MTMR9: variants seen among roughly 807,000 people sequenced by gnomAD.
MTMR9 encodes the protein myotubularin related protein 9, also known as myotubularin-related protein 9.
A neutral mutation model predicts 69.5 loss-of-function variants in MTMR9; 39 were observed. The ratio of observed to expected loss-of-function variants is 0.56; its 90% CI spans 0.43 to 0.73. MTMR9 has a LOEUF of 0.73. Among genes scored for constraint, MTMR9 ranks in the 30% least tolerant of loss-of-function variants. The pLI, the probability that MTMR9 is intolerant of heterozygous loss-of-function variation, is 0.00. For synonymous variants in MTMR9, 354 were observed against 240.8 expected (o/e 1.47, Z -4.35); for missense variants, 900 against 671.2 (o/e 1.34, Z -3.77).
At chr8:11,297,215 T>C (rs1158715344) in intron 2 of MTMR9, among the ~76,000 whole-genome samples, 2 of 152,202 alleles carry the variant, frequency 1.3e-5, no homozygotes, top group African/African-American at 4.8e-5. Flanking sequence ...AAGTAGGATT[T>C]TAGTGATTTT....
the MTMR9 span, among the ~76,000 whole-genome samples, chr8:11,337,216 A>G: frequency 6.6e-6 from 1 of 152,188 alleles, no homozygotes; most frequent in Non-Finnish European, 1.5e-5. Context: ...AGCCACTCAG[A>G]ACCAGCAGAC....
At chr8:11,287,912 A>G (rs1369177377) in intron 1 of MTMR9, among the ~76,000 whole-genome samples, 2 of 128,596 alleles carry the variant, frequency 1.6e-5, no homozygotes, top group East Asian at 4.2e-4. Flanking sequence ...ATAACATAAT[A>G]TGTATTATAT....
intron 5 of MTMR9, among the ~76,000 whole-genome samples, chr8:11,309,215 G>A (rs559646721): frequency 6.6e-6 from 1 of 152,250 alleles, no homozygotes; most frequent in Non-Finnish European, 1.5e-5. Context: ...TGTAAGTGGT[G>A]CTGTGTCTCC....
At chr8:11,287,749 T>A (rs1373039663) in intron 1 of MTMR9, among the ~76,000 whole-genome samples, 2 of 132,388 alleles carry the variant, frequency 1.5e-5, no homozygotes, top group Non-Finnish European at 3.1e-5. Flanking sequence ...TATTTTCTTA[T>A]ATATTTATTA....
At chr8:11,293,169 G>C (rs888943065) in intron 1 of MTMR9, among the ~76,000 whole-genome samples, 1 of 152,184 alleles carries the variant, frequency 6.6e-6, no homozygotes, top group African/African-American at 2.4e-5. Context: ...TGACATTGAT[G>C]ATCCCAACCC....
At chr8:11,321,400 C>T (rs1426655039) in intron 9 of MTMR9, 2 of 456,322 alleles carry the variant, frequency 4.4e-6, no homozygotes, top group Admixed American at 4.7e-5. Context: ...GCCACTGTCA[C>T]ATTTAATAAC....
rs147925709 is a variant in MTMR9 at position 11,314,978 on chromosome 8, G to A, written c.1027G>A (p.Val343Met). ...GTEGTDSTLQ[V>M]TSLAQIILEP... ...AGAAGGAACTGATTCCACACTCCAG[G>A]TGACCTCCTTGGCCCAGATCATCTT... Residue 343 changes from valine to methionine, a missense_variant, in exon 7 of 10, where the codon GTG becomes ATG. Val to Met is a conservative substitution (Grantham distance 21). Coordinates refer to ENST00000221086, the MANE Select transcript of MTMR9 (RefSeq NM_015458.4). 180 of 1,613,948 alleles carry A rather than the reference G, an allele frequency of 1.1e-4. No homozygotes were observed. Among genetic ancestry groups the A allele is most frequent in the Non-Finnish European group, 1.5e-4 (175 of 1,179,902 alleles).
At position 11,319,516 on chromosome 8, in the gene MTMR9, C is replaced by T. The variant is rs988393435; in HGVS notation, c.1335-171C>T. ...TTTGTTGTTGTTGAGAGTTCTAATG[C>T]CGATTGAGCTTTTTGACAAATCTAT... On this transcript the variant is annotated intron_variant, in intron 8 of 9. Coordinates refer to ENST00000221086, the MANE Select transcript of MTMR9 (RefSeq NM_015458.4). The T allele has an allele frequency of 2.2e-5, 14 of 641,096 alleles. No individual in the cohort carries two copies. The African/African-American group carries it at 2.4e-4, about 11-fold the overall frequency. 39.7% of individuals were successfully genotyped at this position (641,096 alleles called of 1,614,324 possible).
At chr8:11,288,302 TATA>T (rs1414756180) in intron 1 of MTMR9, among the ~76,000 whole-genome samples, 1 of 139,326 alleles carries the variant, frequency 7.2e-6, no homozygotes, top group African/African-American at 2.7e-5. Flanking sequence ...TAATATATAT[TATA>T]ATATGTATAT....
At chr8:11,316,638 A>G in intron 7 of MTMR9, 35 bp from the exon 8 acceptor site, 1 of 1,444,118 alleles carries the variant, frequency 6.9e-7, no homozygotes, top group Non-Finnish European at 9.4e-7. Flanking sequence ...TGATCTCACC[A>G]GGATATGACT....
chr8:11,305,936 T>C (rs1449948976), intron 4 of MTMR9, among the ~76,000 whole-genome samples: 1 of 152,204 alleles, frequency 6.6e-6, no homozygotes. Flanking sequence ...CAATATTTGA[T>C]CTTAAAGAGG....
downstream of MTMR9, among the ~76,000 whole-genome samples, chr8:11,332,903 C>T (rs77810947): frequency 0.016 from 2,403 of 152,116 alleles, 35 homozygotes; most frequent in South Asian, 0.066. Context: ...CCCAGCCTTC[C>T]GTAGAGTTTT....
chr8:11,332,503 A>G (rs180905157), downstream of MTMR9, among the ~76,000 whole-genome samples: 9 of 152,268 alleles, frequency 5.9e-5, no homozygotes, highest in Admixed American at 4.6e-4. Flanking sequence ...TATAAAAATT[A>G]TAGAAAGGAA....
chr8:11,298,949 G>A, intron 2 of MTMR9: 2 of 844,406 alleles, frequency 2.4e-6, no homozygotes, highest in Non-Finnish European at 2.9e-6. Context: ...ATGAAAATAT[G>A]ATGATACATG....
intron 1 of MTMR9, among the ~76,000 whole-genome samples, chr8:11,290,871 T>G (rs1337156195): frequency 1.3e-5 from 2 of 151,922 alleles, no homozygotes; most frequent in Non-Finnish European, 2.9e-5. Context: ...TCGTTTTTTT[T>G]TTTTTTTTTT....
At position 11,322,822 on chromosome 8, in the gene MTMR9, T is replaced by G; in HGVS notation, c.*34T>G. On this transcript the variant is annotated 3_prime_UTR_variant, in exon 10 of 10. Coordinates refer to ENST00000221086, the MANE Select transcript of MTMR9 (RefSeq NM_015458.4). ...CTCGCACCCTTCGCAAGGACCTTCT[T>G]GGGCCTGTGTCCGCCGTTCTCTCCT... 1.3e-6 allele frequency: 2 copies of G among 1,588,266 alleles called. No homozygotes were observed. Among genetic ancestry groups the G allele is most frequent in the Non-Finnish European group, 1.7e-6 (2 of 1,166,796 alleles).
chr8:11,306,359 A>C lies in MTMR9; in HGVS notation c.761A>C (p.Gln254Pro). 1 of 1,614,064 alleles carries C rather than the reference A, an allele frequency of 6.2e-7. No individual in the cohort carries two copies. Among genetic ancestry groups the C allele is most frequent in the East Asian group, 2.2e-5 (1 of 44,882 alleles). ...QTRAKGGGFEQEAHYPQWRRI... is the reference protein window; with the variant it reads ...QTRAKGGGFEPEAHYPQWRRI... The stretch of plus-strand genomic sequence containing the variant: ...AGAGCCAAAGGAGGTGGCTTTGAAC[A>C]AGAAGCTCATTATCCTCAGTGGAGG... The change falls in exon 5 of 10, where the codon CAA becomes CCA. Residue 254 changes from glutamine (Q) to proline (P), a missense_variant. Transcript: ENST00000221086.
intron 1 of MTMR9, among the ~76,000 whole-genome samples, chr8:11,288,587 C>G (rs1325306171): frequency 6.6e-6 from 1 of 152,000 alleles, no homozygotes; most frequent in African/African-American, 2.4e-5. Flanking sequence ...GGGGAACATG[C>G]TTGGCATGTG....
At chr8:11,306,533 T>A in intron 5 of MTMR9, 126 bp downstream of exon 5, 1 of 797,664 alleles carries the variant, frequency 1.3e-6, no homozygotes, top group Non-Finnish European at 2.0e-6. Flanking sequence ...AATGATGGGC[T>A]AGCCATCTTC....
Sources: gnomAD v4.1 joint callset for allele counts (sites outside exome capture counted in the v4.1 genomes callset) on GRCh38, gnomAD v4.1.1 for gene constraint, MANE v1.5 for transcripts, NCBI Gene and HGNC (gene_info 2026-07-23, HGNC 2026-07-21) for gene names.